Variants in FAM210A observed in about 807,000 individuals in gnomAD.
FAM210A encodes mitochondrial inner membrane scaffold 1.
Under a neutral mutation model 25.3 loss-of-function variants are expected in FAM210A, and 13 were observed. The observed-to-expected ratio is 0.51, with a 90% CI of 0.33 to 0.82. The LOEUF is 0.82. Ranked by LOEUF, FAM210A falls within the 40% of genes least tolerant of loss-of-function variation. The probability of loss-of-function intolerance (pLI) is 0.02; values close to 1 mark genes in which losing one functional copy is unlikely to be tolerated. For synonymous variants in FAM210A, 125 were observed against 118.7 expected (o/e 1.05, Z -0.35); for missense variants, 319 against 323.2 (o/e 0.99, Z 0.10).
chr18:13,717,213 A>G (rs2043867934), intron 1 of FAM210A, among the ~76,000 whole-genome samples: 1 of 152,204 alleles, frequency 6.6e-6, no homozygotes, highest in South Asian at 2.1e-4. Flanking sequence ...TGTTTACTAT[A>G]TGAAGTCTTT....
chr18:13,672,046 C>T, intron 2 of FAM210A, 73 bp from the exon 3 acceptor site: 2 of 992,260 alleles, frequency 2.0e-6, no homozygotes, highest in Non-Finnish European at 3.0e-6. Flanking sequence ...CTGAAAATAC[C>T]AAAACCACAC....
intron 1 of FAM210A, chr18:13,687,787 T>C (rs2043609501): frequency 6.6e-6 from 1 of 152,268 alleles, no homozygotes; most frequent in African/African-American, 2.4e-5. Flanking sequence ...ACTTTCTTTC[T>C]TGTTCTACAG....
In FAM210A at chr18:13,691,406, C is replaced by T. The variant is rs1314101376; in HGVS notation, c.-28-9301G>A. Among the ~76,000 whole-genome samples the T allele has an allele frequency of 3.9e-5, 6 of 152,198 alleles. No homozygotes were observed. The South Asian group carries it at 6.2e-4, about 16-fold the overall frequency. On this transcript the variant is annotated intron_variant, in intron 1 of 3. Coordinates refer to ENST00000651643, the MANE Select transcript of FAM210A (RefSeq NM_152352.4). ...ATTCAAATTCAGGAAATACAGAGAA[C>T]GCCACAAAGATACTCCACAAGAAGA... is the stretch of plus-strand genomic sequence containing the variant.
In FAM210A at chr18:13,671,919, T is replaced by C. The variant is rs77286877; in HGVS notation, c.528A>G (p.Val176=). 8.1e-6 allele frequency: 13 copies of C among 1,613,326 alleles called. No individual in the cohort carries two copies. Among genetic ancestry groups the C allele is most frequent in the Non-Finnish European group, 9.3e-6 (11 of 1,179,782 alleles). The change falls in exon 3 of 4, where the codon GTA becomes GTG. Residue 176 remains valine (V), a synonymous_variant. Transcript: ENST00000651643. The part of the protein sequence containing the change: ...LELIGLPDSV[V]SILKNSQSGN... The stretch of plus-strand genomic sequence containing the variant: ...CACTCTGGGAGTTTTTCAGGATGCT[T>C]ACCACACTGTCAGGTAACCCAATGA...
chr18:13,718,870 G>A (rs909315329), intron 1 of FAM210A, among the ~76,000 whole-genome samples: 1 of 152,168 alleles, frequency 6.6e-6, no homozygotes, highest in Non-Finnish European at 1.5e-5. Flanking sequence ...AACCTTCTCT[G>A]TGGGGTTAAC....
intron 1 of FAM210A, among the ~76,000 whole-genome samples, chr18:13,692,116 T>C (rs192756428): frequency 7.6e-4 from 113 of 148,900 alleles, no homozygotes; most frequent in African/African-American, 2.5e-3. Flanking sequence ...TAGTCTCTGA[T>C]TGACTTTAAA....
At chr18:13,685,595 T>C (rs780869104) in intron 1 of FAM210A, among the ~76,000 whole-genome samples, 2 of 152,210 alleles carry the variant, frequency 1.3e-5, no homozygotes, top group Non-Finnish European at 2.9e-5. Context: ...CAGAAAATCT[T>C]TTAATCCAGT....
At chr18:13,676,818 TTCC>T (rs1435652002) in intron 2 of FAM210A, among the ~76,000 whole-genome samples, 5 of 152,180 alleles carry the variant, frequency 3.3e-5, no homozygotes, top group Admixed American at 1.3e-4. Flanking sequence ...GTCTGATTGT[TTCC>T]TCAAGAGGAG....
At chr18:13,703,375 G>C (rs990616048) in intron 1 of FAM210A, among the ~76,000 whole-genome samples, 3 of 152,152 alleles carry the variant, frequency 2.0e-5, no homozygotes, top group Non-Finnish European at 4.4e-5. Flanking sequence ...ACTCCTATAG[G>C]GGGTGGGCTA....
At chr18:13,698,326 T>C (rs1469128996) in intron 1 of FAM210A, among the ~76,000 whole-genome samples, 4 of 118,434 alleles carry the variant, frequency 3.4e-5, no homozygotes, top group African/African-American at 1.3e-4. Context: ...CACTCCAGCC[T>C]GGGTGACAGA....
At chr18:13,709,161 G>A (rs1458548797) in intron 1 of FAM210A, among the ~76,000 whole-genome samples, 1 of 152,090 alleles carries the variant, frequency 6.6e-6, no homozygotes, top group Admixed American at 6.5e-5. Context: ...TCATATATAA[G>A]CTGACCATAT....
rs1329370704 is a variant in FAM210A, at chr18:13,664,401, T to A, written c.*2079A>T. The A allele has an allele frequency of 6.6e-6, 1 of 152,162 alleles. No homozygotes were observed. The highest frequency in any genetic ancestry group is 2.4e-5 in the African/African-American group (1 of 41,430). 9.4% of individuals were successfully genotyped at this position (152,162 alleles called of 1,614,324 possible). A position where few individuals can be genotyped will look rare whatever the true frequency, so the allele number is the denominator to read the frequency against. The stretch of plus-strand genomic sequence containing the variant: ...GAAATTGTTTTAGAAAAATTCCATA[T>A]AACACAAGATTTTCACATAGTCTCC... On this transcript the variant is annotated 3_prime_UTR_variant, in exon 4 of 4. Coordinates refer to ENST00000651643, the MANE Select transcript of FAM210A (RefSeq NM_152352.4).
At position 13,705,211 on chromosome 18, in the gene FAM210A, A is replaced by G. The variant is rs556769377; in HGVS notation, c.-29+21118T>C. Among the ~76,000 whole-genome samples the G allele has an allele frequency of 5.9e-5, 9 of 152,314 alleles. No individual in the cohort carries two copies. In the East Asian group the frequency reaches 1.7e-3, roughly 29 times the overall value. ...TAAATATACAATTTAAATGAACTCC[A>G]TAGTCTAAGTCAAATTGCCTATGAT... On this transcript the variant is annotated intron_variant, in intron 1 of 3. Transcript: ENST00000651643.
intron 1 of FAM210A, chr18:13,710,296 G>A (rs2043811427): frequency 6.6e-6 from 1 of 152,158 alleles, no homozygotes; most frequent in Non-Finnish European, 1.5e-5. Context: ...CAACTCTCCT[G>A]CCTCAGCCTC....
At chr18:13,704,730 G>C (rs563017546) in intron 1 of FAM210A, among the ~76,000 whole-genome samples, 21 of 152,190 alleles carry the variant, frequency 1.4e-4, no homozygotes, top group Non-Finnish European at 2.9e-4. Context: ...TTATATTTTA[G>C]TGAATGTTAA....
chr18:13,717,650 C>T (rs1333291338), intron 1 of FAM210A, among the ~76,000 whole-genome samples: 2 of 152,128 alleles, frequency 1.3e-5, no homozygotes, highest in African/African-American at 4.8e-5. Context: ...GAGGAAGATA[C>T]ATTTTGAATT....
chr18:13,716,246 ATGGAAAGTGTTGGC>A (rs1053033828), intron 1 of FAM210A, among the ~76,000 whole-genome samples: 1 of 152,212 alleles, frequency 6.6e-6, no homozygotes, highest in African/African-American at 2.4e-5. Flanking sequence ...AGATAAGGTA[ATGGAAAGTGTTGGC>A]TGCCTACTAA....
chr18:13,706,582 C>T (rs889754288), intron 1 of FAM210A, among the ~76,000 whole-genome samples: 1 of 152,206 alleles, frequency 6.6e-6, no homozygotes, highest in Non-Finnish European at 1.5e-5. Context: ...GCCAGGAGGC[C>T]TTCACTCTTC....
At chr18:13,694,456 A>T (rs1362829744) in intron 1 of FAM210A, among the ~76,000 whole-genome samples, 1 of 152,256 alleles carries the variant, frequency 6.6e-6, no homozygotes, top group Non-Finnish European at 1.5e-5. Flanking sequence ...ATGCTACCTG[A>T]CTTCAAACTA....
Sources: allele counts gnomAD v4.1 joint callset (sites outside exome capture counted in the v4.1 genomes callset), GRCh38; gene constraint gnomAD v4.1.1; transcripts MANE v1.5; gene names NCBI Gene and HGNC (gene_info 2026-07-23, HGNC 2026-07-21).